Variants in RTN3 observed in about 807,000 individuals in gnomAD.
RTN3 encodes reticulon-3.
A neutral mutation model predicts 77.8 loss-of-function variants in RTN3; 49 were observed. The ratio of observed to expected loss-of-function variants is 0.63; its 90% CI spans 0.50 to 0.80. RTN3 has a LOEUF of 0.80. Among genes scored for constraint, RTN3 ranks in the 30% least tolerant of loss-of-function variants. The pLI, the probability that RTN3 is intolerant of heterozygous loss-of-function variation, is 0.00. For synonymous variants in RTN3, 464 were observed against 446.9 expected (o/e 1.04, Z -0.48); for missense variants, 1,236 against 1,211.9 (o/e 1.02, Z -0.29).
rs1302852603 is a variant in RTN3, at chr11:63,759,197, T to G, written c.*996T>G. The G allele has an allele frequency of 1.3e-5, 2 of 152,220 alleles. No individual in the cohort carries two copies. Among genetic ancestry groups the G allele is most frequent in the African/African-American group, 4.8e-5 (2 of 41,434 alleles). 9.4% of individuals were successfully genotyped at this position (152,220 alleles called of 1,614,324 possible). On this transcript the variant is annotated 3_prime_UTR_variant, in exon 9 of 9. Coordinates refer to ENST00000377819, the MANE Select transcript of RTN3 (RefSeq NM_001265589.2). ...AGAGGTGAAATACAGAAAGCCTTTT[T>G]TTCTTGATCTTTTCCCGAGATTCAA...
Position 63,693,874 on chromosome 11 carries a change from C to T in RTN3, c.143-10977C>T, listed in dbSNP as rs571889306. On this transcript the variant is annotated intron_variant, in intron 1 of 8. Transcript: ENST00000377819. ...CAGTGGCTCATGCCTGTAATCTCAG[C>T]ACTTTGGGAGGCCAAGATGGGAGGA... 2.0e-5 allele frequency among the ~76,000 whole-genome samples: 3 copies of T among 152,314 alleles called. No individual in the cohort carries two copies. In the East Asian group the frequency reaches 5.8e-4, roughly 29 times the overall value.
At chr11:63,697,469 C>CGTTATTATT (rs146073922) in intron 1 of RTN3, among the ~76,000 whole-genome samples, 1 of 146,908 alleles carries the variant, frequency 6.8e-6, no homozygotes, top group Non-Finnish European at 1.5e-5. Context: ...ACACCCAGCT[C>CGTTATTATT]ATTATTATTA....
At chr11:63,732,060 TAGAA>T (rs932057112) in intron 3 of RTN3, among the ~76,000 whole-genome samples, 8 of 148,476 alleles carry the variant, frequency 5.4e-5, no homozygotes, top group Non-Finnish European at 8.9e-5. Flanking sequence ...ACCCAGTAAG[TAGAA>T]AGAAAAAAAA....
intron 7 of RTN3, 35 bp downstream of exon 7, chr11:63,753,743 G>A (rs751692739): frequency 2.4e-5 from 38 of 1,562,102 alleles, no homozygotes; most frequent in Non-Finnish European, 3.0e-5. Context: ...AAATGTGCCA[G>A]TTGATGTATG....
At chr11:63,744,688 A>C (rs2013695137) in intron 3 of RTN3, among the ~76,000 whole-genome samples, 1 of 152,156 alleles carries the variant, frequency 6.6e-6, no homozygotes, top group Non-Finnish European at 1.5e-5. Context: ...ATGAAAATAA[A>C]AGAGAATGAA....
intron 3 of RTN3, among the ~76,000 whole-genome samples, chr11:63,745,018 G>A (rs1471093275): frequency 2.6e-5 from 4 of 152,098 alleles, no homozygotes; most frequent in Non-Finnish European, 5.9e-5. Context: ...TTTCATGGAC[G>A]CAAACCATGC....
intron 1 of RTN3, among the ~76,000 whole-genome samples, chr11:63,689,623 C>A (rs1941550816): frequency 6.6e-6 from 1 of 151,400 alleles, no homozygotes; most frequent in Non-Finnish European, 1.5e-5. Flanking sequence ...TTTCAAATAA[C>A]TATTCTTACC....
chr11:63,756,013 G>A (rs1029220269), intron 7 of RTN3, 99 bp from the exon 8 acceptor site: 48 of 813,890 alleles, frequency 5.9e-5, no homozygotes, highest in South Asian at 4.6e-4. Context: ...CTGGTCAGTC[G>A]TGTTTAAAAA....
intron 1 of RTN3, among the ~76,000 whole-genome samples, chr11:63,689,754 T>A (rs1304608797): frequency 1.3e-5 from 2 of 151,964 alleles, no homozygotes; most frequent in Non-Finnish European, 2.9e-5. Context: ...TTTTTTTTTT[T>A]ATTTCAAAGA....
At chr11:63,753,761 G>T (rs1431691184) in intron 7 of RTN3, 53 bp downstream of exon 7, 1 of 1,471,236 alleles carries the variant, frequency 6.8e-7, no homozygotes, top group Non-Finnish European at 9.5e-7. Flanking sequence ...ATGACTAGTT[G>T]TAGTTCATTT....
At chr11:63,740,032 C>T (rs1182821504) in intron 3 of RTN3, among the ~76,000 whole-genome samples, 1 of 152,004 alleles carries the variant, frequency 6.6e-6, no homozygotes, top group African/African-American at 2.4e-5. Flanking sequence ...CTTCTGTTTC[C>T]GTAGCTTCAA....
In RTN3 at chr11:63,753,135, C is replaced by A. The variant is rs756042064; in HGVS notation, c.2944C>A (p.Leu982Ile). 1.9e-6 allele frequency: 3 copies of A among 1,613,814 alleles called. No homozygotes were observed. The highest frequency in any genetic ancestry group is 1.1e-5 in the South Asian group (1 of 91,088). Residue 982 changes from leucine (L) to isoleucine (I), a missense_variant, in exon 6 of 9, where the codon CTT becomes ATT. Physicochemically the swap from Leu to Ile is conservative, Grantham distance 5. Transcript: ENST00000377819. ...TTTTAACGGAATCACCCTTCTAATT[C>A]TTGGTAAGGTGGCAAGGAGAATGTG... is the stretch of plus-strand genomic sequence containing the variant. The part of the protein sequence containing the change: ...AVFNGITLLI[L>I]AELLIFSVPI...
chr11:63,686,101 G>A (rs561279308), intron 1 of RTN3, among the ~76,000 whole-genome samples: 37 of 152,110 alleles, frequency 2.4e-4, no homozygotes, highest in Non-Finnish European at 4.1e-4. Context: ...CCTTTATTAG[G>A]CCTCAAGTAT....
intron 1 of RTN3, among the ~76,000 whole-genome samples, chr11:63,688,538 A>C (rs1465912471): frequency 6.6e-6 from 1 of 151,946 alleles, no homozygotes; most frequent in African/African-American, 2.4e-5. Flanking sequence ...TTTTTTTTTA[A>C]TGCTGTTTTT....
At chr11:63,683,229 AC>A (rs1941161666) in intron 1 of RTN3, among the ~76,000 whole-genome samples, 1 of 152,096 alleles carries the variant, frequency 6.6e-6, no homozygotes, top group South Asian at 2.1e-4. Context: ...CAAATTTAGA[AC>A]CCTGTCTCCT....
chr11:63,720,898 A>G lies in RTN3; in HGVS notation c.2396A>G (p.Asn799Ser). 1 of 1,614,122 alleles carries G rather than the reference A, an allele frequency of 6.2e-7. No individual in the cohort carries two copies. The highest frequency in any genetic ancestry group is 8.5e-7 in the Non-Finnish European group (1 of 1,180,002). ...GACATCCTAGAACGTAATGTCAAGA[A>G]TGGATCTGATCTTGGGATTTCCCAG... Reference protein sequence around the residue: ...SYDILERNVKNGSDLGISQKP... With the variant: ...SYDILERNVKSGSDLGISQKP... Residue 799 changes from asparagine to serine, a missense_variant, in exon 3 of 9, where the codon AAT becomes AGT. Asn to Ser is a conservative substitution (Grantham distance 46). Transcript: ENST00000377819.
chr11:63,741,512 T>G (rs1398634620), intron 3 of RTN3, among the ~76,000 whole-genome samples: 1 of 151,448 alleles, frequency 6.6e-6, no homozygotes, highest in Admixed American at 6.6e-5. Context: ...TTTATTTTTT[T>G]TTTTTGAGAC....
chr11:63,752,476 A>G, intron 4 of RTN3, 31 bp from the exon 5 acceptor site: 1 of 1,601,098 alleles, frequency 6.2e-7, no homozygotes, highest in Non-Finnish European at 8.5e-7. Context: ...TTCCATGTCA[A>G]ATGTATGACT....
chr11:63,756,187 A>T lies in RTN3; in HGVS notation c.3053+17A>T, dbSNP rs1424311342. 6.3e-7 allele frequency: 1 copy of T among 1,581,012 alleles called. No individual in the cohort carries two copies. Among genetic ancestry groups the T allele is most frequent in the East Asian group, 2.2e-5 (1 of 44,702 alleles). ...TGTTGAAAAGTAAGTACATTTAGAG[A>T]CCACATCATCATGAGGTATGCTTCC... On this transcript the variant is annotated intron_variant, in intron 8 of 8. Transcript: ENST00000377819.
Sources: allele counts gnomAD v4.1 joint callset (sites outside exome capture counted in the v4.1 genomes callset), GRCh38; gene constraint gnomAD v4.1.1; transcripts MANE v1.5; gene names NCBI Gene and HGNC (gene_info 2026-07-23, HGNC 2026-07-21).